SEMA5A: variants seen among roughly 807,000 people sequenced by gnomAD.
The protein encoded by SEMA5A is semaphorin-5A.
SEMA5A carries 55 observed loss-of-function variants against 135.5 expected under a neutral mutation model. The observed-to-expected ratio is 0.41, with a 90% confidence interval of 0.33 to 0.51. The LOEUF (loss-of-function observed/expected upper bound fraction) is 0.51, where lower values mean the gene tolerates loss of function less well. SEMA5A is among the 20% of genes least tolerant of loss of function. The probability of loss-of-function intolerance (pLI) is 0.37; values close to 1 mark genes in which losing one functional copy is unlikely to be tolerated. For missense variants in SEMA5A, 1,290 were observed against 1,419.9 expected, an observed-to-expected ratio of 0.91 and a Z score of 1.47; for synonymous variants, 580 against 546.5, an observed-to-expected ratio of 1.06 and a Z score of -0.85.
intron 17 of SEMA5A, among the ~76,000 whole-genome samples, chr5:9,063,506 C>A (rs1273763519): frequency 6.6e-6 from 1 of 152,178 alleles, no homozygotes; most frequent in African/African-American, 2.4e-5. Context: ...TCAAGGACCT[C>A]CATCTGGAGG....
Position 9,063,016 on chromosome 5 carries a change from T to G in SEMA5A, c.2389A>C (p.Ser797Arg), listed in dbSNP as rs767332873. 1.9e-6 allele frequency: 3 copies of G among 1,614,088 alleles called. No homozygotes were observed. Among genetic ancestry groups the G allele is most frequent in the Non-Finnish European group, 2.5e-6 (3 of 1,180,036 alleles). Residue 797 changes from serine (S) to arginine (R), a missense_variant, in exon 18 of 23, where the codon AGC becomes CGC. By Grantham distance (110) the Ser-to-Arg change is moderately radical. Around this residue, in one of 3 missense-constraint regions of SEMA5A, gnomAD observed 1,029 missense variants for 1,086.6 expected, o/e 0.95. Transcript: ENST00000382496. The stretch of plus-strand genomic sequence containing the variant: ...CGAATGCCCCTGCTGCAGTCACGGC[T>G]GCACTGTGACCACGACGTCCAGGCT... ...WSAWTSWSQCSRDCSRGIRNR... is the reference protein window; with the variant it reads ...WSAWTSWSQCRRDCSRGIRNR...
At chr5:9,347,693 T>C (rs1291314733) in intron 3 of SEMA5A, among the ~76,000 whole-genome samples, 14 of 152,186 alleles carry the variant, frequency 9.2e-5, no homozygotes, top group Admixed American at 9.2e-4. Context: ...GGGACCTGCA[T>C]GGAGAGGCAG....
chr5:9,263,289 T>A (rs1445438134), intron 5 of SEMA5A, among the ~76,000 whole-genome samples: 2 of 152,170 alleles, frequency 1.3e-5, no homozygotes, highest in African/African-American at 4.8e-5. Flanking sequence ...CATGGCCTGT[T>A]AGGAACCAGG....
intron 5 of SEMA5A, among the ~76,000 whole-genome samples, chr5:9,294,184 C>A (rs976303451): frequency 6.6e-6 from 1 of 152,158 alleles, no homozygotes; most frequent in Non-Finnish European, 1.5e-5. Context: ...TTTGGCCTTC[C>A]GGTACATCGT....
chr5:9,172,515 A>T (rs1328046357), intron 11 of SEMA5A, among the ~76,000 whole-genome samples: 1 of 152,234 alleles, frequency 6.6e-6, no homozygotes, highest in Non-Finnish European at 1.5e-5. Flanking sequence ...TCACTTCAAT[A>T]CTAAAAATCA....
chr5:9,413,918 C>G (rs1561233539), intron 2 of SEMA5A, among the ~76,000 whole-genome samples: 2 of 152,146 alleles, frequency 1.3e-5, no homozygotes, highest in Non-Finnish European at 2.9e-5. Flanking sequence ...TCACTGAACA[C>G]AAGCCAGGCA....
intron 21 of SEMA5A, among the ~76,000 whole-genome samples, chr5:9,046,879 A>G (rs1561098164): frequency 6.6e-6 from 1 of 152,138 alleles, no homozygotes; most frequent in African/African-American, 2.4e-5. Flanking sequence ...GCCAGTGGAT[A>G]ATGCAGTTCC....
intron 3 of SEMA5A, among the ~76,000 whole-genome samples, chr5:9,353,246 G>GGAAGGA (rs1561177479): frequency 1.2e-4 from 14 of 118,114 alleles, no homozygotes; most frequent in African/African-American, 4.5e-4. Flanking sequence ...GAAGGAAAGG[G>GGAAGGA]AAGGGAAGGG....
At chr5:9,353,748 C>A (rs1025733386) in intron 3 of SEMA5A, among the ~76,000 whole-genome samples, 3 of 152,124 alleles carry the variant, frequency 2.0e-5, no homozygotes, top group Admixed American at 2.0e-4. Context: ...TACACTTTCA[C>A]ACAAAATCGT....
chr5:9,232,054 A>G (rs1012479023), intron 6 of SEMA5A, among the ~76,000 whole-genome samples: 2 of 152,212 alleles, frequency 1.3e-5, no homozygotes, highest in African/African-American at 4.8e-5. Flanking sequence ...ACTCATAGAA[A>G]GGGCTTTTAC....
intron 11 of SEMA5A, among the ~76,000 whole-genome samples, chr5:9,184,071 AG>A (rs1192418585): frequency 6.6e-6 from 1 of 152,012 alleles, no homozygotes; most frequent in African/African-American, 2.4e-5. Context: ...TGTTTGTAAA[AG>A]AGATTTTTGG....
At chr5:9,456,647 G>A (rs2126717978) in intron 1 of SEMA5A, among the ~76,000 whole-genome samples, 1 of 152,242 alleles carries the variant, frequency 6.6e-6, no homozygotes, top group African/African-American at 2.4e-5. Context: ...GAGGAGAAAA[G>A]GGAGGTCTAA....
At chr5:9,451,192 A>G (rs577366264) in intron 1 of SEMA5A, among the ~76,000 whole-genome samples, 16 of 152,316 alleles carry the variant, frequency 1.1e-4, no homozygotes, top group African/African-American at 3.6e-4. Flanking sequence ...ACTCTGCTGC[A>G]TGCTAATATA....
chr5:9,119,774 T>C (rs1381088085), intron 14 of SEMA5A, among the ~76,000 whole-genome samples: 1 of 152,206 alleles, frequency 6.6e-6, no homozygotes, highest in Admixed American at 6.5e-5. Flanking sequence ...AAAAAGGATG[T>C]TTAAATTCAG....
At chr5:9,249,359 C>T (rs1748653156) in intron 5 of SEMA5A, among the ~76,000 whole-genome samples, 1 of 152,120 alleles carries the variant, frequency 6.6e-6, no homozygotes, top group Non-Finnish European at 1.5e-5. Context: ...ACAAACCTTA[C>T]TCCGGCTAAC....
intron 5 of SEMA5A, among the ~76,000 whole-genome samples, chr5:9,264,565 A>C (rs936048587): frequency 1.7e-4 from 26 of 152,168 alleles, no homozygotes; most frequent in African/African-American, 6.3e-4. Context: ...CTTGAGAAGA[A>C]AATGCCCTAC....
intron 5 of SEMA5A, chr5:9,265,695 C>A (rs897224017): frequency 2.5e-6 from 1 of 392,394 alleles, no homozygotes; most frequent in African/African-American, 2.1e-5. Context: ...CTTCTGAGGT[C>A]TGCTAAACCA....
chr5:9,464,492 C>A (rs957126367), intron 1 of SEMA5A, among the ~76,000 whole-genome samples: 1 of 152,156 alleles, frequency 6.6e-6, no homozygotes, highest in Non-Finnish European at 1.5e-5. Context: ...CTCACGTACC[C>A]CTTTTCAATC....
intron 3 of SEMA5A, among the ~76,000 whole-genome samples, chr5:9,347,891 A>G (rs1315072307): frequency 6.6e-6 from 1 of 152,236 alleles, no homozygotes; most frequent in African/African-American, 2.4e-5. Context: ...ACTGGAACCA[A>G]TTACCATCTT....
Sources: gnomAD v4.1 joint callset for allele counts (sites outside exome capture counted in the v4.1 genomes callset) on GRCh38, gnomAD v4.1.1 for gene constraint, gnomAD v4.1.1 regional missense constraint, MANE v1.5 for transcripts, NCBI Gene and HGNC (gene_info 2026-07-23, HGNC 2026-07-21) for gene names.